Variants in FAM13B observed in about 807,000 individuals in gnomAD.
FAM13B encodes the protein protein FAM13B.
In FAM13B, 60 loss-of-function variants were observed where a neutral mutation model predicts 117.3. The observed-to-expected ratio is 0.51, with a 90% CI of 0.42 to 0.63. The LOEUF (loss-of-function observed/expected upper bound fraction) is 0.63. Ranked by LOEUF, FAM13B falls within the 30% of genes least tolerant of loss-of-function variation. The pLI is 0.00. For synonymous variants in FAM13B, 332 were observed against 356.1 expected (o/e 0.93, Z 0.76); for missense variants, 972 against 1,091.9 (o/e 0.89, Z 1.55).
chr5:138,044,746 T>C (rs1244436200), intron 1 of FAM13B, among the ~76,000 whole-genome samples: 2 of 152,176 alleles, frequency 1.3e-5, no homozygotes. Flanking sequence ...GACTACTATC[T>C]ACATGATATA....
At chr5:137,977,305 C>T (rs968896933) in intron 10 of FAM13B, among the ~76,000 whole-genome samples, 1 of 152,180 alleles carries the variant, frequency 6.6e-6, no homozygotes, top group Non-Finnish European at 1.5e-5. Flanking sequence ...ATTTTAATTT[C>T]ACCCCAGTCC....
chr5:138,005,221 G>A lies in FAM13B; in HGVS notation c.848+1769C>T, dbSNP rs143466734. ...CATTGCACTCCTGCCTGGGTGACAGGGTGAGACTCTGGTCTCAAAAAATAG... is the reference window on the plus strand; with the variant it reads ...CATTGCACTCCTGCCTGGGTGACAGAGTGAGACTCTGGTCTCAAAAAATAG... On this transcript the variant is annotated intron_variant, in intron 7 of 23. Coordinates refer to ENST00000689681, the MANE Select transcript of FAM13B (RefSeq NM_001385994.1). Among the ~76,000 whole-genome samples, 551 of 152,162 alleles carry A rather than the reference G, an allele frequency of 3.6e-3. 4 individuals are homozygous for A. The highest frequency in any genetic ancestry group is 0.013 in the African/African-American group (529 of 41,518).
chr5:137,979,111 C>T (rs1774891579), intron 10 of FAM13B, among the ~76,000 whole-genome samples: 1 of 151,340 alleles, frequency 6.6e-6, no homozygotes, highest in Admixed American at 6.6e-5. Context: ...CTCCTGGGTT[C>T]AAGAGATTCT....
intron 23 of FAM13B, 160 bp from the exon 24 acceptor site, chr5:137,940,508 C>A: frequency 1.8e-6 from 1 of 567,746 alleles, no homozygotes; most frequent in South Asian, 2.5e-5. Context: ...ATACCCTCAT[C>A]CCCAAGGAAC....
At chr5:137,950,723 G>C (rs999178691) in intron 17 of FAM13B, among the ~76,000 whole-genome samples, 6 of 151,862 alleles carry the variant, frequency 4.0e-5, no homozygotes, top group African/African-American at 1.2e-4. Flanking sequence ...TGCAGCAGAC[G>C]GACTACAGAG....
chr5:137,986,367 C>CT (rs201038309), intron 9 of FAM13B, among the ~76,000 whole-genome samples: 2 of 150,188 alleles, frequency 1.3e-5, no homozygotes, highest in African/African-American at 2.5e-5. Context: ...CCCCAATTAT[C>CT]TTTTTTTTTC....
intron 23 of FAM13B, among the ~76,000 whole-genome samples, chr5:137,941,006 C>G (rs1236287686): frequency 6.6e-6 from 1 of 152,264 alleles, no homozygotes; most frequent in East Asian, 1.9e-4. Context: ...CCCGGATTCA[C>G]GCCATTCTCC....
chr5:137,984,837 T>C (rs1776759460), intron 10 of FAM13B, among the ~76,000 whole-genome samples: 1 of 152,042 alleles, frequency 6.6e-6, no homozygotes, highest in Non-Finnish European at 1.5e-5. Flanking sequence ...GGCGCAATCT[T>C]GGCTCACTGC....
At chr5:137,986,034 C>T (rs182478175) in intron 9 of FAM13B, among the ~76,000 whole-genome samples, 4 of 152,260 alleles carry the variant, frequency 2.6e-5, no homozygotes, top group Admixed American at 1.3e-4. Context: ...TTTTCCTTCA[C>T]ATTCTGCCCA....
intron 4 of FAM13B, among the ~76,000 whole-genome samples, chr5:138,013,316 A>G (rs1372448037): frequency 1.3e-5 from 2 of 152,118 alleles, no homozygotes; most frequent in Non-Finnish European, 2.9e-5. Context: ...CCTGGCTAAC[A>G]CAGTGAAATC....
chr5:138,019,160 G>GAAA lies in FAM13B; in HGVS notation c.-35-15_-35-14insTTT. ...AAGCTGTCTTTTCTGCCAAATGAAA[G>GAAA]ACAAAAAAAAAAGACTATAATGATT... On this transcript the variant is annotated splice_polypyrimidine_tract_variant and intron_variant, in intron 2 of 23. Coordinates refer to ENST00000689681, the MANE Select transcript of FAM13B (RefSeq NM_001385994.1). 7.1e-7 allele frequency: 1 copy of GAAA among 1,412,528 alleles called. No individual in the cohort carries two copies. The highest frequency in any genetic ancestry group is 9.2e-7 in the Non-Finnish European group (1 of 1,082,896). 87.5% of individuals were successfully genotyped at this position (1,412,528 alleles called of 1,614,324 possible).
At chr5:138,001,803 A>G (rs1309732388) in intron 7 of FAM13B, among the ~76,000 whole-genome samples, 1 of 152,246 alleles carries the variant, frequency 6.6e-6, no homozygotes, top group African/African-American at 2.4e-5. Flanking sequence ...CCATGCAGCT[A>G]TCTAGTGGCA....
At position 137,983,176 on chromosome 5, in the gene FAM13B, T is replaced by TAAAAAA. The variant is rs56880991; in HGVS notation, c.1179+2075_1179+2080dup. ...AATGAGAAAGAACAGCCAGTGTAGG[T>TAAAAAA]AAAAAAAAAAAAAAAAAAAAAAAAA... On this transcript the variant is annotated intron_variant, in intron 10 of 23. Coordinates refer to ENST00000689681, the MANE Select transcript of FAM13B (RefSeq NM_001385994.1). Among the ~76,000 whole-genome samples, 12 of 75,096 alleles carry TAAAAAA rather than the reference T, an allele frequency of 1.6e-4. 1 individual carries two copies. Among genetic ancestry groups the TAAAAAA allele is most frequent in the African/African-American group, 2.8e-4 (5 of 17,552 alleles). 49.3% of individuals were successfully genotyped at this position (75,096 alleles called of 152,430 possible). A position where few individuals can be genotyped will look rare whatever the true frequency, so the allele number is the denominator to read the frequency against.
chr5:137,954,041 CT>C (rs369548946), intron 15 of FAM13B, 124 bp downstream of exon 15: 34,286 of 385,560 alleles, frequency 0.089, 3 homozygotes, highest in East Asian at 0.15. Context: ...CAATCTCTCT[CT>C]TTTTTTTTTT....
chr5:138,018,560 G>A, intron 3 of FAM13B, 46 bp from the exon 4 acceptor site: 1 of 1,508,168 alleles, frequency 6.6e-7, no homozygotes, highest in Non-Finnish European at 9.2e-7. Context: ...AATGTCAACT[G>A]CTTGACCATA....
intron 10 of FAM13B, among the ~76,000 whole-genome samples, chr5:137,967,391 G>A (rs1770368596): frequency 6.6e-6 from 1 of 152,126 alleles, no homozygotes; most frequent in Non-Finnish European, 1.5e-5. Context: ...GGGCGTGGTG[G>A]CAGGTGCCTG....
intron 10 of FAM13B, among the ~76,000 whole-genome samples, chr5:137,974,760 T>C (rs1360659838): frequency 1.3e-5 from 2 of 151,756 alleles, no homozygotes; most frequent in Non-Finnish European, 2.9e-5. Context: ...TCTAAAATGT[T>C]GATCTCCTTA....
In FAM13B at chr5:137,984,374, A is replaced by G. The variant is rs78150708; in HGVS notation, c.1179+883T>C. On this transcript the variant is annotated intron_variant, in intron 10 of 23. Coordinates refer to ENST00000689681, the MANE Select transcript of FAM13B (RefSeq NM_001385994.1). ...ATCACTAAAAACTACCAATCTTGAGAGCTAACCTTAACTTTGCTTACAGTG... is the reference window on the plus strand; with the variant it reads ...ATCACTAAAAACTACCAATCTTGAGGGCTAACCTTAACTTTGCTTACAGTG... Among the ~76,000 whole-genome samples the G allele has an allele frequency of 6.0e-3, 916 of 152,292 alleles. 6 individuals are homozygous for G. Among genetic ancestry groups the G allele is most frequent in the Non-Finnish European group, 0.01 (699 of 68,020 alleles).
chr5:137,983,176 T>TAAAAAAAAAAAAAAAAAAAAA, intron 10 of FAM13B, among the ~76,000 whole-genome samples: 1 of 75,118 alleles, frequency 1.3e-5, no homozygotes. Context: ...CCAGTGTAGG[T>TAAAAAAAAAAAAAAAAAAAAA]AAAAAAAAAA....
Sources: gnomAD v4.1 joint callset for allele counts (sites outside exome capture counted in the v4.1 genomes callset) on GRCh38, gnomAD v4.1.1 for gene constraint, MANE v1.5 for transcripts, NCBI Gene and HGNC (gene_info 2026-07-23, HGNC 2026-07-21) for gene names.